The following ZNF775 variants were observed in gnomAD, a reference collection of about 807,000 sequenced individuals.
The protein encoded by ZNF775 is zinc finger protein 775.
In ZNF775, 1 loss-of-function variant was observed where a neutral mutation model predicts 2.4. The observed-to-expected ratio is 0.41, with a 90% CI of 0.15 to 1.94. The LOEUF (loss-of-function observed/expected upper bound fraction) is 1.94. ZNF775 is among the 30% of genes most tolerant of loss of function. The pLI, the probability that ZNF775 is intolerant of heterozygous loss-of-function variation, is 0.30. For synonymous variants in ZNF775, 381 were observed against 373.3 expected, an observed-to-expected ratio of 1.02 and a Z score of -0.24; for missense variants, 823 against 826.6, an observed-to-expected ratio of 1.00 and a Z score of 0.05.
At position 150,391,112 on chromosome 7, in the gene ZNF775, G is replaced by A. The variant is rs186580819; in HGVS notation, c.31+2611G>A. Among the ~76,000 whole-genome samples, 22 of 152,298 alleles carry A rather than the reference G, an allele frequency of 1.4e-4. No homozygotes were observed. The East Asian group carries it at 2.9e-3, about 20-fold the overall frequency. ...CTGTTTTATAGTCTGGATACTAAGC[G>A]TTTGTCTATTCTATATCTGCACATA... On this transcript the variant is annotated intron_variant, in intron 2 of 2. Coordinates refer to ENST00000329630, the MANE Select transcript of ZNF775 (RefSeq NM_173680.4).
intron 1 of ZNF775, chr7:150,380,125 G>A (rs1193718805): frequency 6.6e-6 from 1 of 152,262 alleles, no homozygotes; most frequent in Non-Finnish European, 1.5e-5. Flanking sequence ...GGTGTGGTCA[G>A]AGCCCCAGGG....
chr7:150,397,604 TGCCGCA>T lies in ZNF775; in HGVS notation c.1129_1134del (p.Ser377_Arg378del). On this transcript the variant is annotated inframe_deletion, in exon 3 of 3. Coordinates refer to ENST00000329630, the MANE Select transcript of ZNF775 (RefSeq NM_173680.4). ...GCCCTGCCCCAGCTGCGGTAAGAGCTGCCGCAGCCGCGCCGCGCTGCGCGCCCACCA... is the reference window on the plus strand; with the variant it reads ...GCCCTGCCCCAGCTGCGGTAAGAGCTGCCGCGCCGCGCTGCGCGCCCACCA... 1 of 1,441,910 alleles carries T rather than the reference TGCCGCA, an allele frequency of 6.9e-7. No individual in the cohort carries two copies. The highest frequency in any genetic ancestry group is 1.3e-5 in the South Asian group (1 of 75,560). The allele number at this position is 1,441,910 out of a possible 1,614,324, so 89.3% of individuals were successfully genotyped here.
intron 2 of ZNF775, among the ~76,000 whole-genome samples, chr7:150,389,915 GTGTGTTA>G (rs1800531554): frequency 3.8e-4 from 1 of 2,606 alleles, no homozygotes; most frequent in African/African-American, 1.6e-3. Flanking sequence ...GTGTGTGTGT[GTGTGTTA>G]TGGCAAAATA....
rs771773000 is a variant in ZNF775, at chr7:150,397,347, G to C, written c.866G>C (p.Ser289Thr). ...TTCATCTGCAACGAGTGTGGCAAGA[G>C]CTTCACCTGGTGGTCGTCGCTGAAC... is the stretch of plus-strand genomic sequence containing the variant. ...RQFICNECGK[S>T]FTWWSSLNIH... The change falls in exon 3 of 3, where the codon AGC becomes ACC. Residue 289 changes from serine to threonine, a missense_variant. Physicochemically the swap from Ser to Thr is moderately conservative, Grantham distance 58. Transcript: ENST00000329630. 8.1e-6 allele frequency: 13 copies of C among 1,595,696 alleles called. No individual in the cohort carries two copies. The South Asian group carries it at 1.4e-4, about 18-fold the overall frequency.
At chr7:150,388,546 C>T (rs1000213400) in intron 2 of ZNF775, 45 bp downstream of exon 2, 5 of 1,550,596 alleles carry the variant, frequency 3.2e-6, no homozygotes, top group Non-Finnish European at 4.4e-6. Flanking sequence ...GTCTCCTCTG[C>T]TGAGGTCACG....
chr7:150,398,308 G>C lies in ZNF775; in HGVS notation c.*213G>C. The C allele has an allele frequency of 1.2e-6, 1 of 805,372 alleles. No homozygotes were observed. 49.9% of individuals were successfully genotyped at this position (805,372 alleles called of 1,614,324 possible). A position where few individuals can be genotyped will look rare whatever the true frequency, so the allele number is the denominator to read the frequency against. On this transcript the variant is annotated 3_prime_UTR_variant, in exon 3 of 3. Transcript: ENST00000329630. ...TGGGTTGAGGGAGGAGGGAAGATCC[G>C]AGTTCCTCACCGCGGGCCGGGATGT...
At chr7:150,387,310 A>T (rs183809342) in intron 1 of ZNF775, among the ~76,000 whole-genome samples, 1 of 151,164 alleles carries the variant, frequency 6.6e-6, no homozygotes, top group East Asian at 1.9e-4. Context: ...AAAAAAAAAA[A>T]AAAGAAGCAC....
chr7:150,397,699 C>G lies in ZNF775; in HGVS notation c.1218C>G (p.Ala406=), dbSNP rs1800702125. Residue 406 remains alanine, a synonymous_variant, in exon 3 of 3, where the codon GCC becomes GCG. Coordinates refer to ENST00000329630, the MANE Select transcript of ZNF775 (RefSeq NM_173680.4). ...GGGAACCGGGCGACCAGCCGCAGGC[C>G]GAGGCCATCCCGGGCTTGGCCGCGA... is the stretch of plus-strand genomic sequence containing the variant. ...PAGEPGDQPQ[A]EAIPGLAARP... 3 of 1,386,996 alleles carry G rather than the reference C, an allele frequency of 2.2e-6. No individual in the cohort carries two copies. In the South Asian group the frequency reaches 4.7e-5, roughly 22 times the overall value. The allele number at this position is 1,386,996 out of a possible 1,614,324, so 85.9% of individuals were successfully genotyped here.
chr7:150,396,422 C>T, intron 2 of ZNF775, 91 bp from the exon 3 acceptor site: 6 of 1,445,036 alleles, frequency 4.2e-6, no homozygotes, highest in Non-Finnish European at 5.5e-6. Flanking sequence ...CCCTCCTGCA[C>T]CACTTCCCTC....
chr7:150,388,465 C>T lies in ZNF775; in HGVS notation c.-6C>T. ...AGCCGGCGCTGATGCTGGGAGGCCT[C>T]CAGGGATGGAGAGTGGCCTGGCTGG... On this transcript the variant is annotated 5_prime_UTR_variant, in exon 2 of 3. Coordinates refer to ENST00000329630, the MANE Select transcript of ZNF775 (RefSeq NM_173680.4). The T allele has an allele frequency of 6.4e-7, 1 of 1,551,696 alleles. No homozygotes were observed. The highest frequency in any genetic ancestry group is 8.7e-7 in the Non-Finnish European group (1 of 1,147,004).
At chr7:150,385,790 C>T (rs1800441480) in intron 1 of ZNF775, among the ~76,000 whole-genome samples, 1 of 152,150 alleles carries the variant, frequency 6.6e-6, no homozygotes, top group Non-Finnish European at 1.5e-5. Flanking sequence ...ATTTTTATGA[C>T]AGGAGATAGT....
At chr7:150,388,200 G>A (rs932227153) in intron 1 of ZNF775, among the ~76,000 whole-genome samples, 1 of 152,148 alleles carries the variant, frequency 6.6e-6, no homozygotes, top group East Asian at 1.9e-4. Context: ...GGTCCTTCGT[G>A]GTCTCAGTTT....
At chr7:150,380,676 C>T (rs1017594453) in intron 1 of ZNF775, among the ~76,000 whole-genome samples, 23 of 152,128 alleles carry the variant, frequency 1.5e-4, no homozygotes, top group African/African-American at 5.3e-4. Context: ...CCCTCTTATC[C>T]GAGGTGTGCG....
In ZNF775 at chr7:150,397,674, G is replaced by T; in HGVS notation, c.1193G>T (p.Gly398Val). The T allele has an allele frequency of 1.5e-6, 2 of 1,333,610 alleles. No individual in the cohort carries two copies. Among genetic ancestry groups the T allele is most frequent in the Non-Finnish European group, 9.5e-7 (1 of 1,047,824 alleles). The allele number at this position is 1,333,610 out of a possible 1,614,324, so 82.6% of individuals were successfully genotyped here. A position where few individuals can be genotyped will look rare whatever the true frequency, so the allele number is the denominator to read the frequency against. ...HAVAEPAVPAGEPGDQPQAEA... is the reference protein window; with the variant it reads ...HAVAEPAVPAVEPGDQPQAEA... ...GTCGCTGAGCCCGCCGTTCCGGCCGGGGAACCGGGCGACCAGCCGCAGGCC... is the reference window on the plus strand; with the variant it reads ...GTCGCTGAGCCCGCCGTTCCGGCCGTGGAACCGGGCGACCAGCCGCAGGCC... The change falls in exon 3 of 3, where the codon GGG becomes GTG. Residue 398 changes from glycine to valine, a missense_variant. Coordinates refer to ENST00000329630, the MANE Select transcript of ZNF775 (RefSeq NM_173680.4).
intron 1 of ZNF775, among the ~76,000 whole-genome samples, chr7:150,383,524 C>T (rs781230186): frequency 2.0e-5 from 3 of 152,054 alleles, no homozygotes; most frequent in African/African-American, 7.2e-5. Context: ...GCTGGGGACC[C>T]GGTGGAGTTG....
chr7:150,395,482 A>T (rs1489564354), intron 2 of ZNF775, among the ~76,000 whole-genome samples: 1 of 152,224 alleles, frequency 6.6e-6, no homozygotes, highest in Admixed American at 6.5e-5. Context: ...TAAAGCAAAC[A>T]TTCCCCTGTA....
intron 2 of ZNF775, among the ~76,000 whole-genome samples, chr7:150,394,587 C>A (rs1430519187): frequency 6.6e-6 from 1 of 152,104 alleles, no homozygotes; most frequent in East Asian, 1.9e-4. Flanking sequence ...AGAGTACATT[C>A]TTTGTCAACT....
chr7:150,386,571 G>C (rs1390208582), intron 1 of ZNF775, among the ~76,000 whole-genome samples: 1 of 152,210 alleles, frequency 6.6e-6, no homozygotes, highest in African/African-American at 2.4e-5. Flanking sequence ...CCCTGGGGTG[G>C]GTGTTTCTGT....
At chr7:150,394,453 C>T (rs1800612923) in intron 2 of ZNF775, among the ~76,000 whole-genome samples, 1 of 152,234 alleles carries the variant, frequency 6.6e-6, no homozygotes, top group Non-Finnish European at 1.5e-5. Context: ...GTTTTCCCCT[C>T]TGCCTTGGCT....
Sources: allele counts gnomAD v4.1 joint callset (sites outside exome capture counted in the v4.1 genomes callset), GRCh38; gene constraint gnomAD v4.1.1; transcripts MANE v1.5; gene names NCBI Gene and HGNC (gene_info 2026-07-23, HGNC 2026-07-21).